DLGAP4: variants seen among roughly 807,000 people sequenced by gnomAD.
DLGAP4 encodes disks large-associated protein 4.
DLGAP4 carries 18 observed loss-of-function variants against 86.9 expected under a neutral mutation model. The ratio of observed to expected loss-of-function variants is 0.21; its 90% CI spans 0.14 to 0.31. The LOEUF (loss-of-function observed/expected upper bound fraction) is 0.31. Ranked by LOEUF, DLGAP4 falls within the 10% of genes least tolerant of loss-of-function variation. The pLI is 1.00. For synonymous variants in DLGAP4, 548 were observed against 574.3 expected (o/e 0.95, Z 0.65); for missense variants, 1,085 against 1,362.6 (o/e 0.80, Z 3.21).
At chr20:36,330,610 T>C (rs2065257797) in intron 1 of DLGAP4, among the ~76,000 whole-genome samples, 1 of 151,100 alleles carries the variant, frequency 6.6e-6, no homozygotes, top group Non-Finnish European at 1.5e-5. Flanking sequence ...TTCCCCTCTG[T>C]CACCCAGGCT....
At chr20:36,422,480 G>C (rs2032856938) in intron 2 of DLGAP4, among the ~76,000 whole-genome samples, 1 of 152,138 alleles carries the variant, frequency 6.6e-6, no homozygotes, top group Non-Finnish European at 1.5e-5. Context: ...TATCTGAAAA[G>C]GTTTATGGTT....
chr20:36,467,110 C>G (rs1267520079), intron 7 of DLGAP4, among the ~76,000 whole-genome samples: 1 of 147,262 alleles, frequency 6.8e-6, no homozygotes, highest in African/African-American at 2.5e-5. Flanking sequence ...GGGCCAGGCT[C>G]TGAGAGGATG....
chr20:36,477,948 T>C (rs1364433934), intron 7 of DLGAP4, among the ~76,000 whole-genome samples: 1 of 152,222 alleles, frequency 6.6e-6, no homozygotes, highest in Non-Finnish European at 1.5e-5. Context: ...TAAGGTTTCT[T>C]GTTGGTCAGT....
chr20:36,421,455 CAAA>C (rs539617975), intron 2 of DLGAP4, among the ~76,000 whole-genome samples: 7 of 100,878 alleles, frequency 6.9e-5, no homozygotes, highest in Non-Finnish European at 1.0e-4. Context: ...GAGACTGTCT[CAAA>C]AAAAAAAAAA....
chr20:36,466,283 C>T (rs1307208996), intron 7 of DLGAP4, among the ~76,000 whole-genome samples: 2 of 152,184 alleles, frequency 1.3e-5, no homozygotes, highest in Non-Finnish European at 2.9e-5. Flanking sequence ...CTCCGTTTTC[C>T]TCCCTATCAG....
chr20:36,466,974 CCTCTCT>C (rs532237646), intron 7 of DLGAP4, among the ~76,000 whole-genome samples: 8 of 136,580 alleles, frequency 5.9e-5, no homozygotes, highest in Admixed American at 1.5e-4. Context: ...CTGTCTCTCT[CCTCTCT>C]CTCTCTCTCT....
intron 1 of DLGAP4, among the ~76,000 whole-genome samples, chr20:36,365,520 G>A (rs1307501008): frequency 6.6e-6 from 1 of 152,172 alleles, no homozygotes; most frequent in Non-Finnish European, 1.5e-5. Flanking sequence ...GTCCCTGGGG[G>A]AGGCTGCATC....
intron 7 of DLGAP4, among the ~76,000 whole-genome samples, chr20:36,460,793 A>G (rs535600296): frequency 1.2e-4 from 19 of 152,338 alleles, no homozygotes; most frequent in African/African-American, 4.6e-4. Flanking sequence ...TTTGCCCTCC[A>G]TGAGATCGTA....
chr20:36,497,523 G>T (rs2035940556), intron 8 of DLGAP4: 2 of 994,666 alleles, frequency 2.0e-6, no homozygotes, highest in South Asian at 9.0e-5. Flanking sequence ...TGGGCCAGGG[G>T]CCCAGGACCC....
At chr20:36,415,592 T>C (rs1270064379) in intron 2 of DLGAP4, among the ~76,000 whole-genome samples, 5 of 152,212 alleles carry the variant, frequency 3.3e-5, no homozygotes, top group African/African-American at 4.8e-5. Flanking sequence ...TGTTACCTCG[T>C]TGATCTCTCC....
intron 10 of DLGAP4, among the ~76,000 whole-genome samples, chr20:36,512,931 CTTTTTTTTTTTTTTTTTT>C (rs57978491): frequency 3.1e-3 from 74 of 23,528 alleles, no homozygotes; most frequent in African/African-American, 9.8e-3. Context: ...CTCAGAGGCC[CTTTTTTTTTTTTTTTTTT>C]TTTTTTTTTT....
intron 5 of DLGAP4, 60 bp downstream of exon 5, chr20:36,439,928 G>GTGTGTCCTCCTCCCA: frequency 2.1e-6 from 3 of 1,443,222 alleles, no homozygotes; most frequent in Non-Finnish European, 2.9e-6. Context: ...CCATCTGGGA[G>GTGTGTCCTCCTCCCA]GAGGACACAC....
At chr20:36,379,842 A>G (rs1198236821) in intron 2 of DLGAP4, among the ~76,000 whole-genome samples, 1 of 152,258 alleles carries the variant, frequency 6.6e-6, no homozygotes, top group African/African-American at 2.4e-5. Flanking sequence ...TGCATGTAAC[A>G]GAAAACAAGT....
chr20:36,496,625 T>C (rs2035897598), intron 7 of DLGAP4, 80 bp from the exon 8 acceptor site: 3 of 1,521,212 alleles, frequency 2.0e-6, no homozygotes, highest in Non-Finnish European at 1.8e-6. Flanking sequence ...CAGGCAGGGC[T>C]TCTGCATTGG....
At chr20:36,345,489 C>T (rs782513860) in intron 1 of DLGAP4, among the ~76,000 whole-genome samples, 1 of 152,178 alleles carries the variant, frequency 6.6e-6, no homozygotes, top group Non-Finnish European at 1.5e-5. Context: ...AGACTTTGGG[C>T]AGGTCACTTC....
chr20:36,340,022 G>A (rs1208742752), intron 1 of DLGAP4, among the ~76,000 whole-genome samples: 2 of 152,196 alleles, frequency 1.3e-5, no homozygotes, highest in East Asian at 3.9e-4. Context: ...GGAGTAGCCA[G>A]GGGTGTTGAT....
At chr20:36,461,658 G>GGCCCCC in intron 7 of DLGAP4, 1 of 274,472 alleles carries the variant, frequency 3.6e-6, no homozygotes, top group Non-Finnish European at 5.0e-6. Context: ...GACGGGGGCC[G>GGCCCCC]CCCCGCCCGG....
chr20:36,322,719 G>A (rs2065180775), intron 1 of DLGAP4, among the ~76,000 whole-genome samples: 1 of 152,194 alleles, frequency 6.6e-6, no homozygotes, highest in South Asian at 2.1e-4. Flanking sequence ...TTCCCTTGAT[G>A]CTGGCCATCC....
chr20:36,308,393 GA>G lies in DLGAP4; in HGVS notation c.-304+1882del, dbSNP rs2065024349. Among the ~76,000 whole-genome samples, 1 of 152,236 alleles carries G rather than the reference GA, an allele frequency of 6.6e-6. No individual in the cohort carries two copies. The highest frequency in any genetic ancestry group is 1.5e-5 in the Non-Finnish European group (1 of 68,038). ...CATTGGAGACAGTGTCCATGCTGAA[GA>G]GAAACTGTGAGCTGGACGGGACCTG... On this transcript the variant is annotated intron_variant, in intron 1 of 12. Coordinates refer to ENST00000339266, the MANE Select transcript of DLGAP4 (RefSeq NM_001365621.2). The surrounding 1 kb of genome is among the most constrained non-coding windows in gnomAD (Gnocchi z 4.5).
Sources: allele counts gnomAD v4.1 joint callset (sites outside exome capture counted in the v4.1 genomes callset), GRCh38; gene constraint gnomAD v4.1.1; non-coding constraint Gnocchi (gnomAD v3.1); transcripts MANE v1.5; gene names NCBI Gene and HGNC (gene_info 2026-07-23, HGNC 2026-07-21).